Variants in THSD7B observed in about 807,000 individuals in gnomAD.
The protein encoded by THSD7B is thrombospondin type 1 domain containing 7B.
In THSD7B, 138 loss-of-function variants were observed where a neutral mutation model predicts 213.6. That is an observed-to-expected ratio of 0.65 (90% CI 0.56 to 0.74). The LOEUF (loss-of-function observed/expected upper bound fraction) is 0.74. Ranked by LOEUF, THSD7B falls within the 30% of genes least tolerant of loss-of-function variation. THSD7B has a pLI of 0.00. For synonymous variants in THSD7B, 742 were observed against 687.0 expected (o/e 1.08, Z -1.25); for missense variants, 1,931 against 1,991.5 (o/e 0.97, Z 0.58).
chr2:137,585,633 A>G lies in THSD7B; in HGVS notation c.3423+13077A>G, dbSNP rs1341312023. ...TTCAGGAGCAGGTTGTTCAGTATCC[A>G]TGTAGTTGAGTGGTTTTGAGTGAGT... is the stretch of plus-strand genomic sequence containing the variant. On this transcript the variant is annotated intron_variant, in intron 17 of 27. Transcript: ENST00000409968. Among the ~76,000 whole-genome samples the G allele has an allele frequency of 2.6e-5, 4 of 152,178 alleles. No homozygotes were observed. In the East Asian group the frequency reaches 5.8e-4, roughly 22 times the overall value.
chr2:137,580,310 G>A (rs1321344014), intron 17 of THSD7B, among the ~76,000 whole-genome samples: 1 of 152,018 alleles, frequency 6.6e-6, no homozygotes, highest in Admixed American at 6.5e-5. Context: ...TTAATGGGGT[G>A]TTTTCTTCCA....
At chr2:136,811,432 A>T (rs1682375307) in intron 1 of THSD7B, among the ~76,000 whole-genome samples, 1 of 151,990 alleles carries the variant, frequency 6.6e-6, no homozygotes, top group Admixed American at 6.6e-5. Flanking sequence ...TCTGCCCTCC[A>T]CCTTCTTGGG....
At chr2:136,939,389 T>C (rs557622063) in intron 2 of THSD7B, among the ~76,000 whole-genome samples, 83 of 152,352 alleles carry the variant, frequency 5.4e-4, no homozygotes, top group African/African-American at 1.9e-3. Context: ...AATGCTAACA[T>C]GTTTCATGCT....
intron 5 of THSD7B, among the ~76,000 whole-genome samples, chr2:137,140,548 T>C (rs1296148260): frequency 1.3e-5 from 2 of 152,086 alleles, no homozygotes; most frequent in African/African-American, 4.8e-5. Context: ...GTGTCTAAGC[T>C]ATCCAGTTTC....
At chr2:137,574,688 A>C (rs557067319) in intron 17 of THSD7B, among the ~76,000 whole-genome samples, 23 of 152,204 alleles carry the variant, frequency 1.5e-4, no homozygotes, top group Non-Finnish European at 3.1e-4. Context: ...AAAAAATGGT[A>C]ATTAGGGCTC....
intron 2 of THSD7B, among the ~76,000 whole-genome samples, chr2:137,045,616 G>A (rs373011110): frequency 7.7e-4 from 117 of 152,260 alleles, no homozygotes; most frequent in African/African-American, 2.6e-3. Context: ...GTAGTAAGCT[G>A]GTATAATAGA....
intron 12 of THSD7B, among the ~76,000 whole-genome samples, chr2:137,292,980 G>A (rs60548099): frequency 0.051 from 7,786 of 151,988 alleles, 484 homozygotes; most frequent in African/African-American, 0.14. Context: ...ATCAAATTGC[G>A]TGCCCTCTCC....
chr2:137,550,366 C>G (rs1260822501), intron 15 of THSD7B, among the ~76,000 whole-genome samples: 2 of 152,128 alleles, frequency 1.3e-5, no homozygotes, highest in Non-Finnish European at 2.9e-5. Context: ...GTGCCCCTTA[C>G]TGTGTATTCA....
chr2:137,221,895 T>G (rs762352562), intron 7 of THSD7B, among the ~76,000 whole-genome samples: 104 of 152,228 alleles, frequency 6.8e-4, no homozygotes, highest in Non-Finnish European at 4.9e-4. Flanking sequence ...TGAAGTACTT[T>G]GTAAAGGTAT....
intron 2 of THSD7B, among the ~76,000 whole-genome samples, chr2:137,015,441 T>G (rs1376954877): frequency 6.6e-6 from 1 of 152,136 alleles, no homozygotes; most frequent in Non-Finnish European, 1.5e-5. Context: ...GGGGGCATAT[T>G]GCACTAGTAC....
chr2:136,898,526 C>A (rs968488741), intron 2 of THSD7B, among the ~76,000 whole-genome samples: 5 of 150,396 alleles, frequency 3.3e-5, no homozygotes, highest in Admixed American at 6.6e-5. Context: ...TTTACTCCAA[C>A]ATTTACTATC....
rs1453705099 is a variant in THSD7B at position 136,846,820 on chromosome 2, TACTA to T, written c.-35-35323_-35-35320del. On this transcript the variant is annotated intron_variant, in intron 1 of 27. Coordinates refer to ENST00000409968, the MANE Select transcript of THSD7B (RefSeq NM_001316349.2). The stretch of plus-strand genomic sequence containing the variant: ...TTACCTTTAGGACAGCATTAGGATT[TACTA>T]GCAACTCTATTTCCTAGGACTCTAT... 2.6e-5 allele frequency among the ~76,000 whole-genome samples: 4 copies of T among 152,152 alleles called. No individual in the cohort carries two copies. In the South Asian group the frequency reaches 6.2e-4, roughly 24 times the overall value.
intron 5 of THSD7B, among the ~76,000 whole-genome samples, chr2:137,138,886 A>G (rs1679525350): frequency 6.6e-6 from 1 of 152,154 alleles, no homozygotes; most frequent in African/African-American, 2.4e-5. Flanking sequence ...CAGCTCAGCA[A>G]GTCTTGGTGT....
At chr2:136,930,439 G>C (rs1428136393) in intron 2 of THSD7B, among the ~76,000 whole-genome samples, 1 of 152,170 alleles carries the variant, frequency 6.6e-6, no homozygotes, top group Non-Finnish European at 1.5e-5. Flanking sequence ...ATAAGGGAGG[G>C]CCAGCCACTG....
At chr2:137,569,460 C>A (rs902969096) in intron 16 of THSD7B, among the ~76,000 whole-genome samples, 3 of 152,124 alleles carry the variant, frequency 2.0e-5, no homozygotes, top group Non-Finnish European at 2.9e-5. Context: ...CCAGCAATCA[C>A]CGGCAGGGGG....
At chr2:137,548,219 G>C (rs1424018888) in intron 15 of THSD7B, among the ~76,000 whole-genome samples, 6 of 152,022 alleles carry the variant, frequency 3.9e-5, no homozygotes, top group African/African-American at 1.4e-4. Context: ...TCACAACGAT[G>C]TTGGTGAAAA....
chr2:137,044,259 A>C (rs1046936667), intron 2 of THSD7B, among the ~76,000 whole-genome samples: 5 of 152,120 alleles, frequency 3.3e-5, no homozygotes, highest in African/African-American at 1.2e-4. Flanking sequence ...CTTTTCATTT[A>C]TTCTGCCAAT....
chr2:137,394,758 G>C (rs1360339371), intron 12 of THSD7B, among the ~76,000 whole-genome samples: 1 of 137,224 alleles, frequency 7.3e-6, no homozygotes, highest in Non-Finnish European at 1.6e-5. Flanking sequence ...TGGGCAGTAT[G>C]GCCATTTTCA....
intron 1 of THSD7B, among the ~76,000 whole-genome samples, chr2:136,799,203 C>T (rs2710181): frequency 6.6e-6 from 1 of 151,804 alleles, no homozygotes; most frequent in Non-Finnish European, 1.5e-5. Flanking sequence ...GTTGGCTGGC[C>T]ATGGGATTTT....
Sources: allele counts gnomAD v4.1 joint callset (sites outside exome capture counted in the v4.1 genomes callset), GRCh38; gene constraint gnomAD v4.1.1; transcripts MANE v1.5; gene names NCBI Gene and HGNC (gene_info 2026-07-23, HGNC 2026-07-21).